Variants in COL4A2 observed in about 807,000 individuals in gnomAD.
The protein encoded by COL4A2 is collagen alpha-2(IV) chain.
COL4A2 carries 99 observed loss-of-function variants against 200.2 expected under a neutral mutation model. That is an observed-to-expected ratio of 0.49 (90% CI 0.42 to 0.58). The LOEUF is 0.58. Among genes scored for constraint, COL4A2 ranks in the 20% least tolerant of loss-of-function variants. The pLI is 0.00. For synonymous variants in COL4A2, 897 were observed against 900.6 expected, an observed-to-expected ratio of 1.00 and a Z score of 0.07; for missense variants, 1,950 against 2,314.1, an observed-to-expected ratio of 0.84 and a Z score of 3.23.
intron 4 of COL4A2, among the ~76,000 whole-genome samples, chr13:110,365,655 C>T (rs181200983): frequency 6.6e-6 from 1 of 152,188 alleles, no homozygotes; most frequent in Non-Finnish European, 1.5e-5. Context: ...CCTTTCTCCA[C>T]GCAATGGCCT....
At chr13:110,371,379 T>G (rs943063308) in intron 4 of COL4A2, among the ~76,000 whole-genome samples, 3 of 152,242 alleles carry the variant, frequency 2.0e-5, no homozygotes, top group African/African-American at 7.2e-5. Context: ...GTTCTGAAAT[T>G]GTATACATCT....
At position 110,434,430 on chromosome 13, in the gene COL4A2, T is replaced by A; in HGVS notation, c.714T>A (p.Val238=). The A allele has an allele frequency of 6.2e-7, 1 of 1,614,022 alleles. No individual in the cohort carries two copies. Among genetic ancestry groups the A allele is most frequent in the Non-Finnish European group, 8.5e-7 (1 of 1,179,936 alleles). ...QGNRGLGFYG[V]KGEKGDVGQP... The stretch of plus-strand genomic sequence containing the variant: ...ACAGAGGACTTGGTTTCTACGGAGT[T>A]AAGGGTGAAAAGGTAAAGGAAGCCT... Residue 238 remains valine, a synonymous_variant, in exon 12 of 48, where the codon GTT becomes GTA. Transcript: ENST00000360467.
At chr13:110,510,354 G>A (rs1023496680) in intron 47 of COL4A2, among the ~76,000 whole-genome samples, 1 of 152,306 alleles carries the variant, frequency 6.6e-6, no homozygotes, top group Middle Eastern at 3.4e-3. Flanking sequence ...CTCTCTCAAA[G>A]CTGCTCTGGC....
At chr13:110,375,625 T>C (rs1460512439) in intron 4 of COL4A2, among the ~76,000 whole-genome samples, 1 of 152,104 alleles carries the variant, frequency 6.6e-6, no homozygotes, top group Non-Finnish European at 1.5e-5. Context: ...TGGTCAGGAG[T>C]TCGAGACCAG....
chr13:110,461,997 G>A (rs1192980063), intron 22 of COL4A2, 117 bp from the exon 23 acceptor site: 10 of 1,473,534 alleles, frequency 6.8e-6, no homozygotes, highest in Middle Eastern at 2.2e-4. Context: ...GGTGGCGCTC[G>A]GTTTGGTGAC....
intron 47 of COL4A2, among the ~76,000 whole-genome samples, chr13:110,509,839 T>C (rs1884026938): frequency 6.6e-6 from 1 of 152,158 alleles, no homozygotes. Flanking sequence ...TCAGGACAGA[T>C]GGGCCAGAAG....
chr13:110,500,536 A>G lies in COL4A2; in HGVS notation c.3761-1132A>G, dbSNP rs79875340. Among the ~76,000 whole-genome samples the G allele has an allele frequency of 1.7e-3, 265 of 152,246 alleles. 1 individual carries two copies. Among genetic ancestry groups the G allele is most frequent in the African/African-American group, 6.2e-3 (257 of 41,546 alleles). ...TTTCCACAGATTTCCTTATGTGGCC[A>G]TTTCCCTCTTACTCTCCTACTAGTG... On this transcript the variant is annotated intron_variant, in intron 40 of 47. Coordinates refer to ENST00000360467, the MANE Select transcript of COL4A2 (RefSeq NM_001846.4).
intron 16 of COL4A2, among the ~76,000 whole-genome samples, chr13:110,441,987 G>A (rs917197539): frequency 1.3e-5 from 2 of 148,994 alleles, no homozygotes; most frequent in Non-Finnish European, 3.0e-5. Context: ...TCAGGAGGCT[G>A]AGGCACGAGA....
intron 30 of COL4A2, among the ~76,000 whole-genome samples, chr13:110,478,819 A>T (rs1010932015): frequency 6.6e-6 from 1 of 152,244 alleles, no homozygotes; most frequent in Non-Finnish European, 1.5e-5. Flanking sequence ...GTTGTATGTC[A>T]CCAAAGGACA....
Position 110,457,428 on chromosome 13 carries a change from G to A in COL4A2, c.1425G>A (p.Gly475=). ...CCCCTGGAGCCCGCGGACCAAAGGG[G>A]TGGAAAGGTAAGAACATCTGGGAGG... The part of the protein sequence containing the change: ...PGSPGARGPK[G]WKGDAGECRC... Residue 475 remains glycine (G), a synonymous_variant, in exon 21 of 48, where the codon GGG becomes GGA. Coordinates refer to ENST00000360467, the MANE Select transcript of COL4A2 (RefSeq NM_001846.4). 2 of 1,598,188 alleles carry A rather than the reference G, an allele frequency of 1.3e-6. No homozygotes were observed. The highest frequency in any genetic ancestry group is 2.2e-5 in the South Asian group (2 of 90,746).
In COL4A2 at chr13:110,480,214, T is replaced by A; in HGVS notation, c.2588-6T>A. ...ACCCTGTTTGATTTGCTCCTCTTCC[T>A]GACAGGTCTGCCTGGTGATAGAGGG... On this transcript the variant is annotated splice_polypyrimidine_tract_variant and splice_region_variant and intron_variant, in intron 30 of 47. Coordinates refer to ENST00000360467, the MANE Select transcript of COL4A2 (RefSeq NM_001846.4). The A allele has an allele frequency of 1.3e-6, 2 of 1,586,898 alleles. No homozygotes were observed. The highest frequency in any genetic ancestry group is 1.2e-5 in the South Asian group (1 of 86,836).
Position 110,469,322 on chromosome 13 carries a change from C to A in COL4A2, c.2201C>A (p.Pro734Gln). Residue 734 changes from proline to glutamine, a missense_variant and splice_region_variant, in exon 28 of 48, where the codon CCA becomes CAA. Transcript: ENST00000360467. ...GGTCGTGAAGGGTTCCCAGGACCCC[C>A]AGGTGAGTTGAGATCAGACCCCCAT... ...DAGREGFPGP[P>Q]GFIGPRGSKG... 1.3e-6 allele frequency: 2 copies of A among 1,576,824 alleles called. No individual in the cohort carries two copies. The highest frequency in any genetic ancestry group is 1.7e-6 in the Non-Finnish European group (2 of 1,160,956).
chr13:110,404,003 C>T (rs186357927), intron 4 of COL4A2, among the ~76,000 whole-genome samples: 14 of 152,276 alleles, frequency 9.2e-5, no homozygotes, highest in Non-Finnish European at 2.1e-4. Context: ...ACAGGCTCCC[C>T]TGGGCCTCTT....
At chr13:110,498,270 A>G (rs1291532738) in intron 40 of COL4A2, among the ~76,000 whole-genome samples, 2 of 152,188 alleles carry the variant, frequency 1.3e-5, no homozygotes, top group Non-Finnish European at 2.9e-5. Context: ...GCCAGCAATA[A>G]ATGTTTGCTA....
At chr13:110,335,767 C>T (rs1438565659) in intron 3 of COL4A2, among the ~76,000 whole-genome samples, 2 of 152,152 alleles carry the variant, frequency 1.3e-5, no homozygotes, top group Non-Finnish European at 2.9e-5. Flanking sequence ...AGATAAAATT[C>T]TGGGATCCAA....
At chr13:110,461,981 T>C in intron 22 of COL4A2, 133 bp from the exon 23 acceptor site, 2 of 1,346,874 alleles carry the variant, frequency 1.5e-6, no homozygotes, top group Non-Finnish European at 2.0e-6. Context: ...CAGAAAGTGC[T>C]CCTTGGGTGG....
intron 3 of COL4A2, among the ~76,000 whole-genome samples, chr13:110,353,391 A>G (rs1375960344): frequency 6.6e-6 from 1 of 152,194 alleles, no homozygotes; most frequent in Non-Finnish European, 1.5e-5. Context: ...CAGTAAAATG[A>G]AGGGATAGGC....
intron 3 of COL4A2, among the ~76,000 whole-genome samples, chr13:110,342,151 A>G (rs1232894479): frequency 1.3e-5 from 2 of 152,204 alleles, no homozygotes; most frequent in African/African-American, 4.8e-5. Flanking sequence ...CTACTCATTG[A>G]ATTTTTTAAA....
In COL4A2 at chr13:110,512,215, A is replaced by AT. The variant is rs568881702; in HGVS notation, c.*28dup. ...GAGCCGGCGCGTGCCAGGAAGGGCC[A>AT]TTTTGGTGCTTATTCTTAACTTATT... On this transcript the variant is annotated 3_prime_UTR_variant, in exon 48 of 48. Coordinates refer to ENST00000360467, the MANE Select transcript of COL4A2 (RefSeq NM_001846.4). 1.1e-4 allele frequency: 171 copies of AT among 1,599,880 alleles called. No homozygotes were observed. In the African/African-American group the frequency reaches 2.1e-3, roughly 20 times the overall value.
Sources: gnomAD v4.1 joint callset for allele counts (sites outside exome capture counted in the v4.1 genomes callset) on GRCh38, gnomAD v4.1.1 for gene constraint, MANE v1.5 for transcripts, NCBI Gene and HGNC (gene_info 2026-07-23, HGNC 2026-07-21) for gene names.